LZTFL1: variants seen among roughly 807,000 people sequenced by gnomAD.
LZTFL1 encodes the protein leucine zipper transcription factor-like protein 1.
Under a neutral mutation model 45.9 loss-of-function variants are expected in LZTFL1, and 25 were observed. The observed-to-expected ratio is 0.54, with a 90% CI of 0.40 to 0.76. LZTFL1 has a LOEUF of 0.76. Among genes scored for constraint, LZTFL1 ranks in the 30% least tolerant of loss-of-function variants. The pLI is 0.00. For synonymous variants in LZTFL1, 93 were observed against 117.4 expected (o/e 0.79, Z 1.35); for missense variants, 277 against 331.1 (o/e 0.84, Z 1.27).
intron 2 of LZTFL1, among the ~76,000 whole-genome samples, chr3:45,872,296 C>A (rs146692923): frequency 1.6e-4 from 24 of 151,960 alleles, no homozygotes; most frequent in African/African-American, 5.6e-4. Flanking sequence ...GCTGTGGTGT[C>A]GATCGAGTAC....
chr3:45,876,645 A>T (rs762245108), intron 2 of LZTFL1, among the ~76,000 whole-genome samples: 15 of 152,146 alleles, frequency 9.9e-5, no homozygotes, highest in Non-Finnish European at 1.9e-4. Context: ...CTCTCACAGC[A>T]ATCCCTTGAA....
At chr3:45,829,613 A>G in intron 7 of LZTFL1, among the ~76,000 whole-genome samples, 1 of 150,598 alleles carries the variant, frequency 6.6e-6, no homozygotes, top group Non-Finnish European at 1.5e-5. Context: ...CAAAAGAAAA[A>G]AAAAAAAAAA....
chr3:45,843,167 T>C (rs1163106928), upstream of LZTFL1, among the ~76,000 whole-genome samples: 2 of 152,234 alleles, frequency 1.3e-5, no homozygotes, highest in African/African-American at 2.4e-5. Flanking sequence ...CCCTGTCTTC[T>C]TGAAAGATTC....
At chr3:45,862,706 T>C (rs1191963921) in intron 2 of LZTFL1, among the ~76,000 whole-genome samples, 2 of 152,210 alleles carry the variant, frequency 1.3e-5, no homozygotes, top group Admixed American at 1.3e-4. Context: ...CATCTTAAAG[T>C]ATGGGCCGAT....
intron 2 of LZTFL1, among the ~76,000 whole-genome samples, chr3:45,882,029 T>C (rs1258275363): frequency 6.6e-6 from 1 of 152,256 alleles, no homozygotes; most frequent in Non-Finnish European, 1.5e-5. Context: ...TCACTAGCTA[T>C]ATGTGGCCAC....
chr3:45,905,691 G>A (rs545487912), intron 2 of LZTFL1, among the ~76,000 whole-genome samples: 20 of 152,310 alleles, frequency 1.3e-4, no homozygotes, highest in South Asian at 4.1e-4. Flanking sequence ...AGAGAATAGC[G>A]TCATCTCAGC....
At chr3:45,902,548 C>G (rs548505305) in intron 2 of LZTFL1, 1 of 167,362 alleles carries the variant, frequency 6.0e-6, no homozygotes, top group African/African-American at 2.4e-5. Context: ...ACCACACCCA[C>G]AAGGCATCCA....
chr3:45,907,947 G>T (rs1702713374), intron 2 of LZTFL1, among the ~76,000 whole-genome samples: 1 of 152,236 alleles, frequency 6.6e-6, no homozygotes, highest in South Asian at 2.1e-4. Flanking sequence ...TACAGCAATG[G>T]AAAATGTTTG....
intron 2 of LZTFL1, among the ~76,000 whole-genome samples, chr3:45,875,055 TA>T (rs35605052): frequency 0.16 from 24,907 of 152,274 alleles, 2,530 homozygotes; most frequent in South Asian, 0.42. Flanking sequence ...AATCATGAGC[TA>T]AATAAATAAT....
intron 2 of LZTFL1, chr3:45,894,898 T>A: frequency 1.9e-6 from 3 of 1,610,724 alleles, no homozygotes; most frequent in Non-Finnish European, 2.5e-6. Context: ...TTTTTGTCCC[T>A]TTTCCAGGAG....
In LZTFL1 at chr3:45,887,858, C is replaced by T. The variant is rs1052025501; in HGVS notation, c.-215+25262G>A. On this transcript the variant is annotated intron_variant, in intron 2 of 4. Transcript: ENST00000472635. ...GATAGATGGCTCAGAGACCCTGCCT[C>T]GTGTAGGGAACAAAAAGCAGAGCTA... Among the ~76,000 whole-genome samples, 6 of 152,202 alleles carry T rather than the reference C, an allele frequency of 3.9e-5. No individual in the cohort carries two copies. In the East Asian group the frequency reaches 5.8e-4, roughly 15 times the overall value.
At chr3:45,913,145 A>C in exon 2 of LZTFL1, 1 of 1,536,062 alleles carries the variant, frequency 6.5e-7, no homozygotes, top group South Asian at 1.2e-5. Context: ...TTGGTTCCTC[A>C]TCTGTAAAAG....
chr3:45,914,822 T>A lies in LZTFL1; in HGVS notation c.-273+599A>T, dbSNP rs118086429. Among the ~76,000 whole-genome samples, 172 of 152,286 alleles carry A rather than the reference T, an allele frequency of 1.1e-3. 2 individuals are homozygous for A. The East Asian group carries it at 0.026, about 23-fold the overall frequency. ...CTTGTCCTTCTTCCACTGGTCACCT[T>A]CAGGGCATGAATGTGTGGTCCTCTT... On this transcript the variant is annotated intron_variant, in intron 1 of 4. Transcript: ENST00000472635.
intron 2 of LZTFL1, among the ~76,000 whole-genome samples, chr3:45,908,671 G>T (rs1000941636): frequency 6.6e-6 from 1 of 152,160 alleles, no homozygotes; most frequent in Non-Finnish European, 1.5e-5. Context: ...CCAAGGCCCC[G>T]CACCACTCAT....
At chr3:45,905,764 G>T (rs1702667867) in intron 2 of LZTFL1, among the ~76,000 whole-genome samples, 1 of 152,210 alleles carries the variant, frequency 6.6e-6, no homozygotes, top group African/African-American at 2.4e-5. Context: ...CACCCTCATG[G>T]TGCACTTTTG....
chr3:45,840,382 G>C (rs1199990319), intron 1 of LZTFL1, among the ~76,000 whole-genome samples: 1 of 152,202 alleles, frequency 6.6e-6, no homozygotes, highest in Non-Finnish European at 1.5e-5. Context: ...GGAATAGGTA[G>C]ATATGTGGTA....
At chr3:45,863,802 T>C (rs1484110877) in intron 2 of LZTFL1, among the ~76,000 whole-genome samples, 1 of 152,124 alleles carries the variant, frequency 6.6e-6, no homozygotes, top group Non-Finnish European at 1.5e-5. Context: ...GATTAAAAGA[T>C]AGAGAGAGGA....
intron 4 of LZTFL1, among the ~76,000 whole-genome samples, chr3:45,847,785 T>G (rs1469142385): frequency 6.6e-6 from 1 of 152,258 alleles, no homozygotes; most frequent in Non-Finnish European, 1.5e-5. Flanking sequence ...CACAAAACAT[T>G]GGAGTTAGAT....
chr3:45,842,085 A>G lies in LZTFL1; in HGVS notation c.-94T>C. On this transcript the variant is annotated 5_prime_UTR_variant, in exon 1 of 10. Transcript: ENST00000296135. ...CGCCGAGGGTAGTTGGACCACAGAA[A>G]ATGGGGAAGGAGGGTAGGTTGTTTA... The G allele has an allele frequency of 1.3e-6, 2 of 1,576,362 alleles. No individual in the cohort carries two copies. Among genetic ancestry groups the G allele is most frequent in the Non-Finnish European group, 1.7e-6 (2 of 1,163,850 alleles).
Sources: allele counts gnomAD v4.1 joint callset (sites outside exome capture counted in the v4.1 genomes callset), GRCh38; gene constraint gnomAD v4.1.1; transcripts MANE v1.5; gene names NCBI Gene and HGNC (gene_info 2026-07-23, HGNC 2026-07-21).